SVEP1: variants seen among roughly 807,000 people sequenced by gnomAD.
SVEP1 encodes sushi, von Willebrand factor type A, EGF and pentraxin domain containing 1, also known as sushi, von Willebrand factor type A, EGF and pentraxin domain-containing protein 1.
SVEP1 carries 164 observed loss-of-function variants against 367.3 expected under a neutral mutation model. The observed-to-expected ratio is 0.45, with a 90% CI of 0.39 to 0.51. The LOEUF (loss-of-function observed/expected upper bound fraction) is 0.51, where lower values mean the gene tolerates loss of function less well. SVEP1 is among the 20% of genes least tolerant of loss of function. The probability of loss-of-function intolerance (pLI) is 0.00; values close to 1 mark genes in which losing one functional copy is unlikely to be tolerated. For missense variants in SVEP1, 4,117 were observed against 4,425.3 expected (o/e 0.93, Z 1.98); for synonymous variants, 1,666 against 1,611.6 (o/e 1.03, Z -0.81).
chr9:110,391,603 A>G (rs1827656552), intron 40 of SVEP1, among the ~76,000 whole-genome samples: 1 of 152,078 alleles, frequency 6.6e-6, no homozygotes, highest in Non-Finnish European at 1.5e-5. Context: ...AGAAGTATTA[A>G]TAGATAATTA....
chr9:110,487,350 T>C (rs1364988523), intron 9 of SVEP1, among the ~76,000 whole-genome samples: 2 of 152,208 alleles, frequency 1.3e-5, no homozygotes, highest in Non-Finnish European at 2.9e-5. Flanking sequence ...TTATGAAAAA[T>C]TAAAACTTGG....
rs914364130 is a variant in SVEP1 at position 110,502,976 on chromosome 9, A to G, written c.1483+62T>C. The G allele has an allele frequency of 5.2e-6, 8 of 1,536,646 alleles. No individual in the cohort carries two copies. The East Asian group carries it at 1.6e-4, about 30-fold the overall frequency. The stretch of plus-strand genomic sequence containing the variant: ...GTTTAGTTTTAGGTCTTCACAGAAT[A>G]CTGGAGAAATCAGAGCAGAGGAAAT... On this transcript the variant is annotated intron_variant, in intron 6 of 47. Coordinates refer to ENST00000374469, the MANE Select transcript of SVEP1 (RefSeq NM_153366.4).
chr9:110,503,032 A>T lies in SVEP1; in HGVS notation c.1483+6T>A, dbSNP rs1338647364. 6.2e-7 allele frequency: 1 copy of T among 1,608,496 alleles called. No individual in the cohort carries two copies. The highest frequency in any genetic ancestry group is 8.5e-7 in the Non-Finnish European group (1 of 1,177,816). On this transcript the variant is annotated splice_donor_region_variant and intron_variant, in intron 6 of 47. Transcript: ENST00000374469. ...ACTCAAGGCATTACACCTTCTAGAA[A>T]CTTACCCACACACCGGGGTTCTGGC...
rs539816718 is a variant in SVEP1, at chr9:110,487,007, A to G, written c.1930+2643T>C. ...GTTTTGCTCTTGTTGCCCAGGCTGG[A>G]GTGCAATGGTGCGATCTCAGCTCAC... On this transcript the variant is annotated intron_variant, in intron 9 of 47. Transcript: ENST00000374469. 1.2e-3 allele frequency among the ~76,000 whole-genome samples: 186 copies of G among 151,648 alleles called. 1 individual carries two copies. Among genetic ancestry groups the G allele is most frequent in the African/African-American group, 4.3e-3 (176 of 41,284 alleles).
chr9:110,491,616 T>TGC (rs1325712793), intron 8 of SVEP1, among the ~76,000 whole-genome samples: 1 of 151,228 alleles, frequency 6.6e-6, no homozygotes, highest in Non-Finnish European at 1.5e-5. Context: ...TGTGTGTGTG[T>TGC]GCAAATTTAT....
chr9:110,407,472 G>T lies in SVEP1; in HGVS notation c.8128C>A (p.Pro2710Thr). The change falls in exon 38 of 48, where the codon CCA becomes ACA. Residue 2710 changes from proline to threonine, a missense_variant. By Grantham distance (38) the Pro-to-Thr change is conservative. Around this residue, in one of 4 missense-constraint regions of SVEP1, gnomAD observed 1,765 missense variants for 1,781.1 expected, o/e 0.99. Coordinates refer to ENST00000374469, the MANE Select transcript of SVEP1 (RefSeq NM_153366.4). ...TCACATTCAATTGAAATGCAGGATGGTGCACTGCCATTCCAAGTTCCATCT... is the reference window on the plus strand; with the variant it reads ...TCACATTCAATTGAAATGCAGGATGTTGCACTGCCATTCCAAGTTCCATCT... ...QEDGTWNGSA[P>T]SCISIECDLP... 6.2e-7 allele frequency: 1 copy of T among 1,613,982 alleles called. No homozygotes were observed. Among genetic ancestry groups the T allele is most frequent in the Non-Finnish European group, 8.5e-7 (1 of 1,179,888 alleles).
At chr9:110,577,269 A>G (rs1269603659) in intron 1 of SVEP1, among the ~76,000 whole-genome samples, 1 of 152,162 alleles carries the variant, frequency 6.6e-6, no homozygotes, top group Non-Finnish European at 1.5e-5. Context: ...TAGTTAAAAC[A>G]TTTTGGCAAT....
chr9:110,545,236 A>C (rs1265973920), intron 3 of SVEP1, among the ~76,000 whole-genome samples: 2 of 152,224 alleles, frequency 1.3e-5, no homozygotes, highest in East Asian at 1.9e-4. Flanking sequence ...ATGCATATGC[A>C]AATATCTCTT....
chr9:110,471,374 C>A lies in SVEP1; in HGVS notation c.2988G>T (p.Gly996=), dbSNP rs763716569. ...AGGGAACAGTCTTACCACACATACG[C>A]CCTCTCAGCACTGAGCCTGGTCTGC... The part of the protein sequence containing the change: ...PFCRPGSVLR[G]RMCVNCPLGT... The change falls in exon 16 of 48, where the codon GGG becomes GGT. Residue 996 remains glycine (G), a synonymous_variant. Coordinates refer to ENST00000374469, the MANE Select transcript of SVEP1 (RefSeq NM_153366.4). The A allele has an allele frequency of 5.0e-6, 8 of 1,613,762 alleles. No individual in the cohort carries two copies. Among genetic ancestry groups the A allele is most frequent in the Non-Finnish European group, 6.8e-6 (8 of 1,179,800 alleles).
At chr9:110,484,015 C>A (rs948053930) in intron 9 of SVEP1, among the ~76,000 whole-genome samples, 1 of 152,056 alleles carries the variant, frequency 6.6e-6, no homozygotes, top group East Asian at 1.9e-4. Context: ...GTTGAGCTGA[C>A]CCAACTGGAA....
intron 46 of SVEP1, among the ~76,000 whole-genome samples, chr9:110,374,873 C>T (rs1415822682): frequency 6.6e-6 from 1 of 152,102 alleles, no homozygotes; most frequent in Non-Finnish European, 1.5e-5. Context: ...AAGACACATG[C>T]TCGTGTATGT....
intron 3 of SVEP1, among the ~76,000 whole-genome samples, chr9:110,537,166 A>C (rs1448465988): frequency 2.6e-5 from 4 of 152,080 alleles, no homozygotes; most frequent in African/African-American, 9.6e-5. Flanking sequence ...CCAAGAATTG[A>C]GTGACATCAA....
intron 40 of SVEP1, among the ~76,000 whole-genome samples, chr9:110,390,364 C>CG: frequency 1.7e-4 from 2 of 11,656 alleles, no homozygotes; most frequent in African/African-American, 1.3e-3. Flanking sequence ...TATATATATA[C>CG]TTATATCTAC....
intron 23 of SVEP1, among the ~76,000 whole-genome samples, chr9:110,450,467 G>GTTTTTTTTT (rs10656079): frequency 2.9e-5 from 3 of 102,106 alleles, no homozygotes; most frequent in African/African-American, 7.4e-5. Flanking sequence ...TTGATAATCT[G>GTTTTTTTTT]TTTTTTTTTT....
chr9:110,569,896 G>C (rs953211154), intron 1 of SVEP1, among the ~76,000 whole-genome samples: 3 of 152,168 alleles, frequency 2.0e-5, no homozygotes, highest in Non-Finnish European at 4.4e-5. Context: ...TTTCTTGAAT[G>C]ACTCTATGAG....
At chr9:110,492,303 A>C (rs1000501044) in intron 8 of SVEP1, among the ~76,000 whole-genome samples, 1 of 151,506 alleles carries the variant, frequency 6.6e-6, no homozygotes, top group Non-Finnish European at 1.5e-5. Flanking sequence ...AGATTTTTGA[A>C]GGGATGTAAA....
At chr9:110,413,032 C>G (rs544425277) in intron 36 of SVEP1, among the ~76,000 whole-genome samples, 55 of 151,568 alleles carry the variant, frequency 3.6e-4, no homozygotes, top group South Asian at 6.3e-4. Flanking sequence ...CCAGCAATCC[C>G]ATTACTGGGT....
At chr9:110,441,158 CA>C (rs1828504516) in intron 27 of SVEP1, among the ~76,000 whole-genome samples, 2 of 152,020 alleles carry the variant, frequency 1.3e-5, no homozygotes, top group African/African-American at 2.4e-5. Context: ...GCATATTTTA[CA>C]AAGAAGCAAA....
intron 13 of SVEP1, among the ~76,000 whole-genome samples, chr9:110,476,654 A>G (rs1829100373): frequency 6.6e-6 from 1 of 151,868 alleles, no homozygotes; most frequent in Non-Finnish European, 1.5e-5. Flanking sequence ...CCAATCCCCC[A>G]AGCCTTCCTC....
Sources: gnomAD v4.1 joint callset for allele counts (sites outside exome capture counted in the v4.1 genomes callset) on GRCh38, gnomAD v4.1.1 for gene constraint, gnomAD v4.1.1 regional missense constraint, MANE v1.5 for transcripts, NCBI Gene and HGNC (gene_info 2026-07-23, HGNC 2026-07-21) for gene names.